The following ADGRG6 variants were observed in gnomAD, a reference collection of about 807,000 sequenced individuals.
The protein encoded by ADGRG6 is G-protein coupled receptor 126.
A neutral mutation model predicts 142.4 loss-of-function variants in ADGRG6; 84 were observed. That is an observed-to-expected ratio of 0.59 (90% CI 0.49 to 0.71). The LOEUF (loss-of-function observed/expected upper bound fraction) is 0.71. Among genes scored for constraint, ADGRG6 ranks in the 30% least tolerant of loss-of-function variants. The probability of loss-of-function intolerance (pLI) is 0.00; values close to 1 mark genes in which losing one functional copy is unlikely to be tolerated. For synonymous variants in ADGRG6, 521 were observed against 520.5 expected (o/e 1.00, Z -0.01); for missense variants, 1,367 against 1,466.6 (o/e 0.93, Z 1.11).
intron 22 of ADGRG6, among the ~76,000 whole-genome samples, chr6:142,424,652 C>T (rs1279459755): frequency 3.3e-5 from 5 of 151,284 alleles, no homozygotes; most frequent in Non-Finnish European, 7.4e-5. Context: ...TGTGTCTCTG[C>T]CCGGCTTTGG....
In ADGRG6 at chr6:142,443,746, C is replaced by T. The variant is rs1777866657; in HGVS notation, c.*231C>T. The stretch of plus-strand genomic sequence containing the variant: ...TACTGAGAGTAACATGACTCAGTAG[C>T]CACAGAAGCTATGATTTGTAAAATA... On this transcript the variant is annotated 3_prime_UTR_variant, in exon 25 of 25. Coordinates refer to ENST00000367609, the MANE Select transcript of ADGRG6 (RefSeq NM_198569.3). 2.6e-6 allele frequency: 1 copy of T among 384,674 alleles called. No individual in the cohort carries two copies. The highest frequency in any genetic ancestry group is 4.6e-6 in the Non-Finnish European group (1 of 215,954). The allele number at this position is 384,674 out of a possible 1,614,324, so 23.8% of individuals were successfully genotyped here.
At chr6:142,355,584 C>G (rs1197528075) in intron 2 of ADGRG6, among the ~76,000 whole-genome samples, 1 of 151,984 alleles carries the variant, frequency 6.6e-6, no homozygotes, top group African/African-American at 2.4e-5. Context: ...CTGAGCACAC[C>G]TCTGCTCTCC....
chr6:142,320,419 A>G (rs9385993), intron 2 of ADGRG6, among the ~76,000 whole-genome samples: 13,160 of 152,112 alleles, frequency 0.087, 662 homozygotes, highest in East Asian at 0.25. Context: ...TGGGAGTGAA[A>G]ATAATTGCTT....
chr6:142,372,397 C>T (rs1036325666), intron 4 of ADGRG6, among the ~76,000 whole-genome samples: 14 of 152,302 alleles, frequency 9.2e-5, no homozygotes, highest in African/African-American at 2.4e-4. Flanking sequence ...TTTATTCCCA[C>T]GCTTTGAGCA....
rs1777895019 is a variant in ADGRG6, at chr6:142,444,553, TA to T, written c.*1040del. Reference sequence around the variant, plus strand: ...AGTGAGACATATGGGTGAGTCATAATAATCAAAATAATTTATGAAGAGCTGG... The same window carrying T: ...AGTGAGACATATGGGTGAGTCATAATATCAAAATAATTTATGAAGAGCTGG... On this transcript the variant is annotated 3_prime_UTR_variant, in exon 25 of 25. Coordinates refer to ENST00000367609, the MANE Select transcript of ADGRG6 (RefSeq NM_198569.3). The T allele has an allele frequency of 6.6e-6, 1 of 152,180 alleles. No individual in the cohort carries two copies. Among genetic ancestry groups the T allele is most frequent in the Non-Finnish European group, 1.5e-5 (1 of 68,036 alleles). The allele number at this position is 152,180 out of a possible 1,614,324, so 9.4% of individuals were successfully genotyped here.
chr6:142,390,393 G>A lies in ADGRG6; in HGVS notation c.1308+50G>A, dbSNP rs765913213. The A allele has an allele frequency of 6.8e-6, 7 of 1,029,650 alleles. No homozygotes were observed. In the South Asian group the frequency reaches 8.3e-5, roughly 12 times the overall value. The allele number at this position is 1,029,650 out of a possible 1,614,324, so 63.8% of individuals were successfully genotyped here. ...TTTTAAAAAAATTCTTTAACTTCTG[G>A]GAATCTGGAAAAGACTAGTTAACTG... On this transcript the variant is annotated intron_variant, in intron 7 of 24. Transcript: ENST00000367609.
intron 24 of ADGRG6, among the ~76,000 whole-genome samples, chr6:142,439,326 T>A (rs891450868): frequency 5.9e-5 from 9 of 152,176 alleles, no homozygotes; most frequent in Admixed American, 1.3e-4. Context: ...AAAAGGATAA[T>A]GGAAATAACT....
At chr6:142,314,898 T>C (rs1035372864) in intron 2 of ADGRG6, among the ~76,000 whole-genome samples, 1 of 151,978 alleles carries the variant, frequency 6.6e-6, no homozygotes, top group Admixed American at 6.6e-5. Context: ...AATCGGGACA[T>C]GAAGGAATCT....
chr6:142,402,509 A>G, intron 12 of ADGRG6, 111 bp from the exon 13 acceptor site: 2 of 631,142 alleles, frequency 3.2e-6, no homozygotes, highest in Non-Finnish European at 5.6e-6. Context: ...GGAAAATCTC[A>G]CTTTCTTGCT....
In ADGRG6 at chr6:142,370,761, T is replaced by A; in HGVS notation, c.1037T>A (p.Leu346Gln). 3 of 1,612,966 alleles carry A rather than the reference T, an allele frequency of 1.9e-6. No individual in the cohort carries two copies. The highest frequency in any genetic ancestry group is 2.5e-6 in the Non-Finnish European group (3 of 1,179,408). ...AATGACTTCTGGAATATCCCAAACC[T>A]AGCTCTGAAAGCTGAAAGCAACCTA... ...WQNDFWNIPNLALKAESNLSC... is the reference protein window; with the variant it reads ...WQNDFWNIPNQALKAESNLSC... The change falls in exon 4 of 25, where the codon CTA becomes CAA. Residue 346 changes from leucine to glutamine, a missense_variant. By Grantham distance (113) the Leu-to-Gln change is moderately radical. Coordinates refer to ENST00000367609, the MANE Select transcript of ADGRG6 (RefSeq NM_198569.3).
At chr6:142,414,800 A>G (rs1157057339) in intron 18 of ADGRG6, among the ~76,000 whole-genome samples, 169 bp from the exon 19 acceptor site, 1 of 152,146 alleles carries the variant, frequency 6.6e-6, no homozygotes, top group Non-Finnish European at 1.5e-5. Context: ...TCTTTTATTT[A>G]TTGATCGAAA....
intron 2 of ADGRG6, among the ~76,000 whole-genome samples, chr6:142,318,256 TA>T (rs1778310632): frequency 1.4e-5 from 1 of 70,646 alleles, no homozygotes; most frequent in Admixed American, 2.5e-4. Flanking sequence ...ATATTATATA[TA>T]TTTATTATAT....
Position 142,408,144 on chromosome 6 carries a change from TA to T in ADGRG6, c.2269-2del. 1 of 1,553,752 alleles carries T rather than the reference TA, an allele frequency of 6.4e-7. No individual in the cohort carries two copies. The highest frequency in any genetic ancestry group is 8.7e-7 in the Non-Finnish European group (1 of 1,148,250). ...CTGATACACGCGATTTTTTTTTCTTTAAAAGGATGTAGGACCCCAAAGAAAA... is the reference window on the plus strand; with the variant it reads ...CTGATACACGCGATTTTTTTTTCTTTAAAGGATGTAGGACCCCAAAGAAAA... On this transcript the variant is annotated splice_polypyrimidine_tract_variant and splice_region_variant and intron_variant, in intron 15 of 24. Transcript: ENST00000367609.
chr6:142,426,601 G>C (rs1776959251), intron 22 of ADGRG6, among the ~76,000 whole-genome samples: 1 of 152,144 alleles, frequency 6.6e-6, no homozygotes, highest in Non-Finnish European at 1.5e-5. Flanking sequence ...CTGGAAGATG[G>C]TGGCCCTCTT....
chr6:142,438,463 G>A, intron 24 of ADGRG6, 99 bp downstream of exon 24: 1 of 610,414 alleles, frequency 1.6e-6, no homozygotes, highest in African/African-American at 1.9e-5. Flanking sequence ...CTAAGAGGGT[G>A]CATCTTTTAG....
At chr6:142,303,945 A>G (rs1220024492) in intron 1 of ADGRG6, among the ~76,000 whole-genome samples, 4 of 152,214 alleles carry the variant, frequency 2.6e-5, no homozygotes, top group East Asian at 1.9e-4. Context: ...ATGAAATCAC[A>G]TAGAAAATAG....
At chr6:142,434,429 A>G (rs549671902) in intron 22 of ADGRG6, among the ~76,000 whole-genome samples, 5 of 152,080 alleles carry the variant, frequency 3.3e-5, no homozygotes, top group Admixed American at 3.3e-4. Context: ...AGTTCAAGCA[A>G]TTCTCCTGCT....
chr6:142,401,931 T>C (rs1562368249), intron 11 of ADGRG6, 63 bp from the exon 12 acceptor site: 13 of 757,156 alleles, frequency 1.7e-5, no homozygotes, highest in Non-Finnish European at 2.7e-5. Context: ...TAAAAATCCC[T>C]TTAAGCAGTA....
chr6:142,419,932 G>A lies in ADGRG6; in HGVS notation c.3147G>A (p.Gly1049=). 1 of 1,613,510 alleles carries A rather than the reference G, an allele frequency of 6.2e-7. No homozygotes were observed. The highest frequency in any genetic ancestry group is 8.5e-7 in the Non-Finnish European group (1 of 1,179,624). ...MFIVVMVQIC[G]RNGKRSNRTL... ...TTGTGGTAATGGTGCAGATCTGTGG[G>A]AGGAATGGCAAGAGAAGCAACCGGA... The change falls in exon 22 of 25, where the codon GGG becomes GGA. Residue 1049 remains glycine (G), a synonymous_variant. Transcript: ENST00000367609.
Sources: allele counts gnomAD v4.1 joint callset (sites outside exome capture counted in the v4.1 genomes callset), GRCh38; gene constraint gnomAD v4.1.1; transcripts MANE v1.5; gene names NCBI Gene and HGNC (gene_info 2026-07-23, HGNC 2026-07-21).